The following CMTM8 variants were observed in gnomAD, a reference collection of about 807,000 sequenced individuals.
The protein encoded by CMTM8 is CKLF like MARVEL transmembrane domain containing 8, also known as CKLF-like MARVEL transmembrane domain-containing protein 8.
Under a neutral mutation model 18.6 loss-of-function variants are expected in CMTM8, and 12 were observed. That is an observed-to-expected ratio of 0.65 (90% CI 0.41 to 1.05). The LOEUF is 1.05. CMTM8 is among the 50% of genes least tolerant of loss of function. The pLI, the probability that CMTM8 is intolerant of heterozygous loss-of-function variation, is 0.00. For missense variants in CMTM8, 217 were observed against 227.2 expected (o/e 0.95, Z 0.29); for synonymous variants, 87 against 90.6 (o/e 0.96, Z 0.23).
intron 1 of CMTM8, among the ~76,000 whole-genome samples, chr3:32,276,591 C>T (rs1360854669): frequency 4.6e-5 from 7 of 152,234 alleles, no homozygotes; most frequent in South Asian, 4.1e-4. Flanking sequence ...GCTGAAATTG[C>T]GCCACACAAG....
intron 1 of CMTM8, among the ~76,000 whole-genome samples, chr3:32,341,884 A>T (rs1696504219): frequency 6.6e-6 from 1 of 151,772 alleles, no homozygotes; most frequent in South Asian, 2.1e-4. Context: ...CAAAAAAAAT[A>T]AATAAACTTG....
intron 1 of CMTM8, among the ~76,000 whole-genome samples, chr3:32,350,714 G>A (rs534653888): frequency 8.5e-5 from 13 of 152,192 alleles, no homozygotes; most frequent in South Asian, 2.1e-4. Flanking sequence ...TAGTAGAGAC[G>A]GGGTTTCACC....
At chr3:32,333,427 T>C (rs1696319722) in intron 1 of CMTM8, among the ~76,000 whole-genome samples, 3 of 152,204 alleles carry the variant, frequency 2.0e-5, no homozygotes, top group Non-Finnish European at 2.9e-5. Flanking sequence ...ATCTTAGGCC[T>C]CATCCCAGAC....
chr3:32,247,801 A>G (rs2125529264), intron 1 of CMTM8, among the ~76,000 whole-genome samples: 1 of 152,282 alleles, frequency 6.6e-6, no homozygotes, highest in East Asian at 1.9e-4. Context: ...ATGTCTTCCT[A>G]CTGTCACTAC....
At chr3:32,271,029 A>C (rs1441567380) in intron 1 of CMTM8, among the ~76,000 whole-genome samples, 1 of 152,220 alleles carries the variant, frequency 6.6e-6, no homozygotes. Context: ...AAATAAAATC[A>C]TACAGAAAAA....
chr3:32,339,779 C>T (rs1696457690), intron 1 of CMTM8, among the ~76,000 whole-genome samples: 1 of 152,038 alleles, frequency 6.6e-6, no homozygotes, highest in Admixed American at 6.6e-5. Context: ...CTGGCTAACA[C>T]AGAGAAACCC....
intron 1 of CMTM8, among the ~76,000 whole-genome samples, chr3:32,275,710 T>A (rs1235898329): frequency 6.8e-6 from 1 of 146,778 alleles, no homozygotes; most frequent in African/African-American, 2.5e-5. Context: ...AGTGTGATAG[T>A]GTGACCACAG....
intron 2 of CMTM8, among the ~76,000 whole-genome samples, chr3:32,367,537 C>T (rs747120752): frequency 2.0e-5 from 3 of 152,174 alleles, no homozygotes; most frequent in Non-Finnish European, 4.4e-5. Flanking sequence ...ACCGAGTGGG[C>T]GCCACTGCTG....
At chr3:32,334,717 G>A (rs1243804273) in intron 1 of CMTM8, among the ~76,000 whole-genome samples, 1 of 151,996 alleles carries the variant, frequency 6.6e-6, no homozygotes, top group Non-Finnish European at 1.5e-5. Flanking sequence ...ATTTGTATTT[G>A]CCATATTCTT....
At chr3:32,259,041 G>A (rs1702215899) in intron 1 of CMTM8, 2 of 357,188 alleles carry the variant, frequency 5.6e-6, no homozygotes, top group East Asian at 1.4e-4. Context: ...AGTGCAGCAA[G>A]CATCTATGCA....
chr3:32,330,054 AAC>A (rs369343199), intron 1 of CMTM8, among the ~76,000 whole-genome samples: 129 of 152,318 alleles, frequency 8.5e-4, no homozygotes, highest in African/African-American at 2.1e-3. Context: ...AAAACTACAA[AAC>A]ACTGCTGAAA....
In CMTM8 at chr3:32,348,393, T is replaced by C. The variant is rs139082239; in HGVS notation, c.148-8980T>C. Among the ~76,000 whole-genome samples, 4 of 152,292 alleles carry C rather than the reference T, an allele frequency of 2.6e-5. No homozygotes were observed. In the East Asian group the frequency reaches 7.7e-4, roughly 29 times the overall value. ...TGATTTGGGTCTATTTCATCCACTG[T>C]GCTGGGTACTTAGAGGAGTCCTTTT... is the stretch of plus-strand genomic sequence containing the variant. On this transcript the variant is annotated intron_variant, in intron 1 of 3. Coordinates refer to ENST00000307526, the MANE Select transcript of CMTM8 (RefSeq NM_178868.5).
chr3:32,332,441 C>G (rs1696298372), intron 1 of CMTM8, among the ~76,000 whole-genome samples: 1 of 151,862 alleles, frequency 6.6e-6, no homozygotes, highest in African/African-American at 2.4e-5. Flanking sequence ...GTTTTGATAC[C>G]TGGGGAGTGG....
intron 2 of CMTM8, among the ~76,000 whole-genome samples, chr3:32,365,868 T>C (rs1027155383): frequency 6.6e-6 from 1 of 152,200 alleles, no homozygotes; most frequent in East Asian, 1.9e-4. Flanking sequence ...CAGGGCCTAT[T>C]TCTCTATAGC....
chr3:32,241,240 T>G (rs1415345204), intron 1 of CMTM8, among the ~76,000 whole-genome samples: 1 of 152,224 alleles, frequency 6.6e-6, no homozygotes, highest in African/African-American at 2.4e-5. Flanking sequence ...ATTGCCTTTC[T>G]ACTCTGAAAG....
chr3:32,250,860 T>C (rs921273153), intron 1 of CMTM8, among the ~76,000 whole-genome samples: 3 of 152,086 alleles, frequency 2.0e-5, no homozygotes, highest in Admixed American at 2.0e-4. Flanking sequence ...CCCAAATTGC[T>C]GGGATTACAG....
intron 1 of CMTM8, among the ~76,000 whole-genome samples, chr3:32,288,312 C>G (rs1183738365): frequency 6.6e-6 from 1 of 152,092 alleles, no homozygotes; most frequent in Non-Finnish European, 1.5e-5. Context: ...GAGACAGGGA[C>G]TTACTCTGTC....
At chr3:32,254,489 T>C (rs1458671084) in intron 1 of CMTM8, among the ~76,000 whole-genome samples, 1 of 152,172 alleles carries the variant, frequency 6.6e-6, no homozygotes, top group African/African-American at 2.4e-5. Flanking sequence ...ATTGTGATTA[T>C]TTAGAATTCT....
At chr3:32,359,547 G>A (rs944226148) in intron 2 of CMTM8, among the ~76,000 whole-genome samples, 1 of 152,098 alleles carries the variant, frequency 6.6e-6, no homozygotes, top group South Asian at 2.1e-4. Flanking sequence ...CTGAGATCAC[G>A]CCACTGCACT....
Sources: gnomAD v4.1 joint callset for allele counts (sites outside exome capture counted in the v4.1 genomes callset) on GRCh38, gnomAD v4.1.1 for gene constraint, MANE v1.5 for transcripts, NCBI Gene and HGNC (gene_info 2026-07-23, HGNC 2026-07-21) for gene names.